ZHX2: variants seen among roughly 807,000 people sequenced by gnomAD.
ZHX2 encodes the protein zinc fingers and homeoboxes protein 2.
Under a neutral mutation model 21.9 loss-of-function variants are expected in ZHX2, and 6 were observed. That is an observed-to-expected ratio of 0.27 (90% confidence interval 0.15 to 0.54). The LOEUF is 0.54. Ranked by LOEUF, ZHX2 falls within the 20% of genes least tolerant of loss-of-function variation. ZHX2 has a pLI of 0.95. For missense variants in ZHX2, 908 were observed against 1,090.7 expected, an observed-to-expected ratio of 0.83 and a Z score of 2.36; for synonymous variants, 434 against 437.1, an observed-to-expected ratio of 0.99 and a Z score of 0.09.
At chr8:122,848,784 G>A (rs887612004) in intron 1 of ZHX2, among the ~76,000 whole-genome samples, 4 of 152,230 alleles carry the variant, frequency 2.6e-5, no homozygotes, top group African/African-American at 7.2e-5. Context: ...TTCTGAGGCC[G>A]GCAGCGTGCC....
At chr8:122,823,333 C>T (rs1818195685) in intron 1 of ZHX2, among the ~76,000 whole-genome samples, 1 of 152,242 alleles carries the variant, frequency 6.6e-6, no homozygotes, top group Non-Finnish European at 1.5e-5. Context: ...CTAGCATCTG[C>T]TCAGGCCTGC....
chr8:122,915,319 T>C (rs2130038917), intron 2 of ZHX2, among the ~76,000 whole-genome samples: 1 of 152,298 alleles, frequency 6.6e-6, no homozygotes, highest in Middle Eastern at 3.4e-3. Context: ...CCTGTCATGC[T>C]ATAAGAGTGG....
At chr8:122,820,342 G>C (rs891906687) in intron 1 of ZHX2, among the ~76,000 whole-genome samples, 7 of 152,184 alleles carry the variant, frequency 4.6e-5, no homozygotes, top group Non-Finnish European at 1.0e-4. Flanking sequence ...CGAGGAGATG[G>C]CCACAGGGGC....
Position 122,874,469 on chromosome 8 carries a change from G to T in ZHX2, c.-220+10930G>T, listed in dbSNP as rs565375255. ...CTGCCTCAGCTTCCTGAGTAACTGG[G>T]ATTACAGGCATGCACCACCACGCCC... On this transcript the variant is annotated intron_variant, in intron 2 of 3. Coordinates refer to ENST00000314393, the MANE Select transcript of ZHX2 (RefSeq NM_014943.5). 5.2e-4 allele frequency among the ~76,000 whole-genome samples: 79 copies of T among 151,984 alleles called. 1 individual carries two copies. The highest frequency in any genetic ancestry group is 1.9e-3 in the African/African-American group (79 of 41,496).
chr8:122,902,812 A>G (rs1397486080), intron 2 of ZHX2, among the ~76,000 whole-genome samples: 1 of 152,222 alleles, frequency 6.6e-6, no homozygotes. Flanking sequence ...ATGCCAACCA[A>G]CCAAACTCAT....
At chr8:122,848,962 C>T (rs928727225) in intron 1 of ZHX2, among the ~76,000 whole-genome samples, 5 of 152,164 alleles carry the variant, frequency 3.3e-5, no homozygotes, top group African/African-American at 9.7e-5. Flanking sequence ...ACCTGTTTAC[C>T]GAGGCTGCTA....
intron 2 of ZHX2, among the ~76,000 whole-genome samples, chr8:122,912,340 TG>T (rs1481291022): frequency 6.6e-6 from 1 of 152,220 alleles, no homozygotes; most frequent in Non-Finnish European, 1.5e-5. Context: ...GCCTGGGCAC[TG>T]GGTGCTCTGG....
chr8:122,928,458 C>T (rs1246455305), intron 2 of ZHX2, among the ~76,000 whole-genome samples: 1 of 151,972 alleles, frequency 6.6e-6, no homozygotes, highest in East Asian at 1.9e-4. Context: ...TGGGGGGTAC[C>T]TTGGAATTAT....
intron 1 of ZHX2, among the ~76,000 whole-genome samples, chr8:122,862,400 G>C (rs1337644966): frequency 6.6e-6 from 1 of 152,194 alleles, no homozygotes; most frequent in Admixed American, 6.5e-5. Context: ...CCTTCCTTCC[G>C]TGATTAAGAG....
At chr8:122,842,059 C>T (rs1457544584) in intron 1 of ZHX2, among the ~76,000 whole-genome samples, 1 of 152,192 alleles carries the variant, frequency 6.6e-6, no homozygotes, top group African/African-American at 2.4e-5. Context: ...TGAGCACGAG[C>T]TCCTGGGGCA....
chr8:122,971,611 C>CAAAAAAA (rs56331425), intron 3 of ZHX2, among the ~76,000 whole-genome samples: 3,228 of 81,644 alleles, frequency 0.04, 291 homozygotes, highest in East Asian at 0.3. Flanking sequence ...GGCCCCTGTA[C>CAAAAAAA]AAAAAAAAAA....
Position 122,953,102 on chromosome 8 carries a change from A to C in ZHX2, c.1592A>C (p.Gln531Pro). 6.2e-7 allele frequency: 1 copy of C among 1,613,928 alleles called. No homozygotes were observed. The highest frequency in any genetic ancestry group is 1.3e-5 in the African/African-American group (1 of 75,012). Residue 531 changes from glutamine to proline, a missense_variant, in exon 3 of 4, where the codon CAG becomes CCG. Physicochemically the swap from Gln to Pro is moderately conservative, Grantham distance 76. Transcript: ENST00000314393. This position sits in a 1 kb window ranked among gnomAD's most constrained non-coding sequence, Gnocchi z 4.6. ...CATGCGTACCCAGACTTTGCCCCCC[A>C]GAAGTTCAAAGAGAAAACACAGGGT... ...TYHAYPDFAP[Q>P]KFKEKTQGQV...
At chr8:122,881,590 T>C (rs1819714637) in intron 2 of ZHX2, among the ~76,000 whole-genome samples, 1 of 152,204 alleles carries the variant, frequency 6.6e-6, no homozygotes. Flanking sequence ...ATTTTAATCA[T>C]AGGTAGAGAT....
chr8:122,886,884 C>T (rs114023167), intron 2 of ZHX2, among the ~76,000 whole-genome samples: 3,959 of 152,284 alleles, frequency 0.026, 175 homozygotes, highest in African/African-American at 0.09. Context: ...GTCCACACCA[C>T]TGCCCTACAA....
intron 1 of ZHX2, among the ~76,000 whole-genome samples, chr8:122,855,518 C>T (rs117228605): frequency 1.8e-3 from 270 of 152,132 alleles, no homozygotes; most frequent in Non-Finnish European, 2.8e-3. Context: ...GTCTTAACTG[C>T]GCGCCAGTTT....
chr8:122,867,996 T>C (rs1433558004), intron 2 of ZHX2, among the ~76,000 whole-genome samples: 1 of 152,248 alleles, frequency 6.6e-6, no homozygotes, highest in Non-Finnish European at 1.5e-5. Context: ...TTCTTCAGCC[T>C]GAGTTCCTCT....
rs796164534 is a variant in ZHX2 at position 122,955,079 on chromosome 8, G to T, written c.*4+1051G>T. 1.5e-4 allele frequency among the ~76,000 whole-genome samples: 22 copies of T among 143,358 alleles called. 1 individual carries two copies. The highest frequency in any genetic ancestry group is 4.0e-4 in the African/African-American group (15 of 37,672). The allele number at this position is 143,358 out of a possible 152,430, so 94.0% of individuals were successfully genotyped here. ...TAGAGTCACATAAGCCGGGGGGGGG[G>T]GGGTGGCAGGGCGGTTTCCATGGTT... is the stretch of plus-strand genomic sequence containing the variant. On this transcript the variant is annotated intron_variant, in intron 3 of 3. Coordinates refer to ENST00000314393, the MANE Select transcript of ZHX2 (RefSeq NM_014943.5).
At chr8:122,879,414 C>T (rs1209117158) in intron 2 of ZHX2, among the ~76,000 whole-genome samples, 2 of 151,918 alleles carry the variant, frequency 1.3e-5, no homozygotes, top group Non-Finnish European at 2.9e-5. Context: ...ACCATGTTGG[C>T]CAGGATGGTC....
At chr8:122,873,461 G>A (rs10089605) in intron 2 of ZHX2, among the ~76,000 whole-genome samples, 58,574 of 151,972 alleles carry the variant, frequency 0.39, 11,545 homozygotes, top group Admixed American at 0.47. Flanking sequence ...GTGCCTGTCC[G>A]TACTTGGCCC....
Sources: allele counts gnomAD v4.1 joint callset (sites outside exome capture counted in the v4.1 genomes callset), GRCh38; gene constraint gnomAD v4.1.1; non-coding constraint Gnocchi (gnomAD v3.1); transcripts MANE v1.5; gene names NCBI Gene and HGNC (gene_info 2026-07-23, HGNC 2026-07-21).